Variants in THAP9 observed in about 807,000 individuals in gnomAD.
THAP9 encodes the protein THAP domain containing 9, also known as DNA transposase THAP9.
THAP9 carries 20 observed loss-of-function variants against 35.7 expected under a neutral mutation model. The ratio of observed to expected loss-of-function variants is 0.56; its 90% CI spans 0.39 to 0.81. THAP9 has a LOEUF of 0.81. Ranked by LOEUF, THAP9 falls within the 40% of genes least tolerant of loss-of-function variation. THAP9 has a pLI of 0.00. For synonymous variants in THAP9, 335 were observed against 373.7 expected (o/e 0.90, Z 1.19); for missense variants, 870 against 1,047.4 (o/e 0.83, Z 2.34).
intron 1 of THAP9, among the ~76,000 whole-genome samples, chr4:82,904,058 C>CTTTTTTTTTT (rs59655406): frequency 6.1e-5 from 5 of 82,210 alleles, no homozygotes; most frequent in African/African-American, 9.3e-5. Flanking sequence ...TAGGCTCCCC[C>CTTTTTTTTTT]TTTTTTTTTT....
chr4:82,904,058 C>CTTTTTTT (rs59655406), intron 1 of THAP9, among the ~76,000 whole-genome samples: 11 of 82,208 alleles, frequency 1.3e-4, no homozygotes, highest in East Asian at 6.7e-4. Flanking sequence ...TAGGCTCCCC[C>CTTTTTTT]TTTTTTTTTT....
chr4:82,910,285 T>C (rs1454071397), intron 4 of THAP9: 2 of 152,176 alleles, frequency 1.3e-5, no homozygotes, highest in Admixed American at 6.5e-5. Context: ...TAAGGTATAT[T>C]GTTTAGTATG....
rs1448330158 is a variant in THAP9, at chr4:82,904,925, A to G, written c.270A>G (p.Leu90=). Residue 90 remains leucine (L), a synonymous_variant, in exon 2 of 5, where the codon CTA becomes CTG. Transcript: ENST00000302236. ...LKKGAVPSVS[L]YKIPQGVHLK... is the part of the protein sequence containing the mutation. ...AAGGAGCTGTGCCTTCTGTTTCTCT[A>G]TACAAGGTATTTAAATGTAGGTGTA... The G allele has an allele frequency of 6.2e-6, 10 of 1,613,762 alleles. No homozygotes were observed. Among genetic ancestry groups the G allele is most frequent in the South Asian group, 1.1e-5 (1 of 91,056 alleles).
rs1209311612 is a variant in THAP9 at position 82,918,043 on chromosome 4, C to CA, written c.1832dup (p.His611GlnfsTer10). Reference sequence around the variant, plus strand: ...TCTGACTTACAAATTCAGTCATGATCATCTGGAATTATTTCTAAAGATGCT... The same window carrying CA: ...TCTGACTTACAAATTCAGTCATGATCAATCTGGAATTATTTCTAAAGATGCT... On this transcript the variant is annotated frameshift_variant, in exon 5 of 5. Transcript: ENST00000302236. LOFTEE classifies it high-confidence loss of function. 2 of 1,613,892 alleles carry CA rather than the reference C, an allele frequency of 1.2e-6. No individual in the cohort carries two copies. Among genetic ancestry groups the CA allele is most frequent in the African/African-American group, 2.7e-5 (2 of 74,936 alleles).
intron 1 of THAP9, among the ~76,000 whole-genome samples, chr4:82,901,624 A>G (rs1425401160): frequency 6.6e-6 from 1 of 152,146 alleles, no homozygotes; most frequent in Non-Finnish European, 1.5e-5. Flanking sequence ...AGGAGTGGAA[A>G]AGTACCTGAG....
chr4:82,907,700 C>T, intron 3 of THAP9, 85 bp from the exon 4 acceptor site: 1 of 952,732 alleles, frequency 1.0e-6, no homozygotes, highest in Non-Finnish European at 1.5e-6. Flanking sequence ...TTCTGATGCC[C>T]AGTGCATTTT....
intron 1 of THAP9, among the ~76,000 whole-genome samples, chr4:82,902,256 A>C (rs1431688481): frequency 1.4e-5 from 2 of 147,830 alleles, no homozygotes; most frequent in African/African-American, 2.5e-5. Flanking sequence ...ACAGACCACC[A>C]TCCCGGCTTT....
At chr4:82,902,105 CTTTTT>C (rs768693634) in intron 1 of THAP9, among the ~76,000 whole-genome samples, 1 of 104,498 alleles carries the variant, frequency 9.6e-6, no homozygotes, top group Non-Finnish European at 1.8e-5. Flanking sequence ...CATTTTCCTT[CTTTTT>C]TTTTTTTTTT....
chr4:82,904,493 A>G (rs79144421), intron 1 of THAP9, among the ~76,000 whole-genome samples: 1 of 152,388 alleles, frequency 6.6e-6, no homozygotes, highest in East Asian at 1.9e-4. Context: ...GACAAAATAT[A>G]GTAGGATTTT....
At chr4:82,913,015 C>G (rs936345728) in intron 4 of THAP9, among the ~76,000 whole-genome samples, 1 of 152,054 alleles carries the variant, frequency 6.6e-6, no homozygotes, top group African/African-American at 2.4e-5. Context: ...AAGACATTAA[C>G]AGTAACTTTT....
intron 4 of THAP9, chr4:82,910,958 A>G (rs115610334): frequency 0.01 from 1,922 of 185,512 alleles, 36 homozygotes; most frequent in African/African-American, 0.042. Context: ...AAGCAGAGAA[A>G]ATGATTGTGG....
chr4:82,904,714 A>C, intron 1 of THAP9, 22 bp from the exon 2 acceptor site: 1 of 1,611,148 alleles, frequency 6.2e-7, no homozygotes, highest in Non-Finnish European at 8.5e-7. Context: ...ATGTTAATGG[A>C]ACTTTAATGT....
At chr4:82,902,444 C>T (rs2126010565) in intron 1 of THAP9, among the ~76,000 whole-genome samples, 1 of 152,234 alleles carries the variant, frequency 6.6e-6, no homozygotes, top group East Asian at 1.9e-4. Context: ...TTTGGGGCTG[C>T]CTTCAAGTAA....
chr4:82,906,120 A>G (rs1409687031), intron 2 of THAP9, among the ~76,000 whole-genome samples: 2 of 147,082 alleles, frequency 1.4e-5, no homozygotes, highest in African/African-American at 5.2e-5. Flanking sequence ...CATCATATTA[A>G]TATTTCTGTG....
chr4:82,916,797 C>T, intron 4 of THAP9, 147 bp from the exon 5 acceptor site: 1 of 487,178 alleles, frequency 2.1e-6, no homozygotes. Flanking sequence ...ATGAATTTAC[C>T]ATTGAAAATA....
rs150549646 is a variant in THAP9, at chr4:82,906,446, G to A, written c.399G>A (p.Thr133=). 43 of 1,613,790 alleles carry A rather than the reference G, an allele frequency of 2.7e-5. No homozygotes were observed. The African/African-American group carries it at 2.7e-4, about 10-fold the overall frequency. ...DHNYSLKTPL[T]IGAEKLAEVQ... ...ACTATAGTTTAAAGACACCTTTGAC[G>A]ATAGGTGCAGAGAAACTGGCTGAGG... Residue 133 remains threonine, a synonymous_variant, in exon 3 of 5, where the codon ACG becomes ACA. Coordinates refer to ENST00000302236, the MANE Select transcript of THAP9 (RefSeq NM_024672.6).
At chr4:82,903,669 A>G (rs1720520650) in intron 1 of THAP9, 1 of 152,636 alleles carries the variant, frequency 6.6e-6, no homozygotes, top group East Asian at 1.9e-4. Context: ...CTGCTGCATA[A>G]CAAGTTACCT....
At position 82,917,626 on chromosome 4, in the gene THAP9, G is replaced by T. The variant is rs745936006; in HGVS notation, c.1414G>T (p.Val472Leu). Reference sequence around the variant, plus strand: ...TACACTTGCAAATTTGAAAAATCATGTACTGAAAGTGAATAGTGCCACCCA... The same window carrying T: ...TACACTTGCAAATTTGAAAAATCATTTACTGAAAGTGAATAGTGCCACCCA... ...PSTLANLKNH[V>L]LKVNSATQLF... The change falls in exon 5 of 5, where the codon GTA (valine) becomes TTA (leucine). Residue 472 changes from valine (V) to leucine (L), a missense_variant. Val to Leu is a conservative substitution (Grantham distance 32). Around this residue, in one of 3 missense-constraint regions of THAP9, gnomAD observed 414 missense variants for 500.8 expected, o/e 0.83. Coordinates refer to ENST00000302236, the MANE Select transcript of THAP9 (RefSeq NM_024672.6). The T allele has an allele frequency of 9.9e-6, 16 of 1,613,894 alleles. No individual in the cohort carries two copies. The highest frequency in any genetic ancestry group is 1.4e-5 in the Non-Finnish European group (16 of 1,179,942).
chr4:82,909,248 T>G (rs1055060445), intron 4 of THAP9, among the ~76,000 whole-genome samples: 4 of 152,110 alleles, frequency 2.6e-5, no homozygotes, highest in Non-Finnish European at 5.9e-5. Flanking sequence ...CTATACACAC[T>G]ATTACAATAA....
Sources: gnomAD v4.1 joint callset for allele counts (sites outside exome capture counted in the v4.1 genomes callset) on GRCh38, gnomAD v4.1.1 for gene constraint, gnomAD v4.1.1 regional missense constraint, MANE v1.5 for transcripts, NCBI Gene and HGNC (gene_info 2026-07-23, HGNC 2026-07-21) for gene names.